The following IGFBP2 variants were observed in gnomAD, a reference collection of about 807,000 sequenced individuals.
IGFBP2 encodes the protein insulin like growth factor binding protein 2.
IGFBP2 carries 12 observed loss-of-function variants against 26.2 expected under a neutral mutation model. That is an observed-to-expected ratio of 0.46 (90% CI 0.29 to 0.74). The LOEUF is 0.74. Among genes scored for constraint, IGFBP2 ranks in the 30% least tolerant of loss-of-function variants. IGFBP2 has a pLI of 0.09. For missense variants in IGFBP2, 328 were observed against 441.2 expected (o/e 0.74, Z 2.30); for synonymous variants, 189 against 200.6 (o/e 0.94, Z 0.49).
intron 1 of IGFBP2, among the ~76,000 whole-genome samples, chr2:216,650,988 C>T (rs1356102633): frequency 6.6e-6 from 1 of 152,126 alleles, no homozygotes; most frequent in African/African-American, 2.4e-5. Flanking sequence ...GGGGTGATGT[C>T]ATTAACTAAG....
chr2:216,661,727 C>T (rs1190038862), intron 2 of IGFBP2, 131 bp from the exon 3 acceptor site: 4 of 1,049,248 alleles, frequency 3.8e-6, no homozygotes, highest in African/African-American at 1.6e-5. Context: ...GTCCCTGTGC[C>T]CCCTGCTGGC....
chr2:216,648,106 T>C (rs1697751776), intron 1 of IGFBP2, among the ~76,000 whole-genome samples: 1 of 152,218 alleles, frequency 6.6e-6, no homozygotes, highest in Admixed American at 6.5e-5. Flanking sequence ...TCTTATGAAA[T>C]TCTTGGATGG....
rs113980437 is a variant in IGFBP2, at chr2:216,653,236, A to G, written c.443-7321A>G. On this transcript the variant is annotated intron_variant, in intron 1 of 3. Coordinates refer to ENST00000233809, the MANE Select transcript of IGFBP2 (RefSeq NM_000597.3). Reference sequence around the variant, plus strand: ...GTCTCTCTTAGATCAGGAATCACCAATTTCCAAATAGAGCACTGAGGTCAG... The same window carrying G: ...GTCTCTCTTAGATCAGGAATCACCAGTTTCCAAATAGAGCACTGAGGTCAG... Among the ~76,000 whole-genome samples, 36 of 152,302 alleles carry G rather than the reference A, an allele frequency of 2.4e-4. 1 individual carries two copies. The highest frequency in any genetic ancestry group is 7.8e-4 in the Admixed American group (12 of 15,302).
At chr2:216,656,083 C>T (rs572766542) in intron 1 of IGFBP2, among the ~76,000 whole-genome samples, 21 of 152,266 alleles carry the variant, frequency 1.4e-4, no homozygotes, top group African/African-American at 4.3e-4. Context: ...CCCTGCCTGG[C>T]GCCTTCAGGC....
intron 1 of IGFBP2, among the ~76,000 whole-genome samples, chr2:216,647,419 C>A (rs928423677): frequency 1.3e-5 from 2 of 152,214 alleles, no homozygotes; most frequent in Admixed American, 6.5e-5. Flanking sequence ...TGGCAATGGA[C>A]TCAGGCTAGA....
At chr2:216,646,651 G>A (rs1697714359) in intron 1 of IGFBP2, among the ~76,000 whole-genome samples, 1 of 152,218 alleles carries the variant, frequency 6.6e-6, no homozygotes, top group African/African-American at 2.4e-5. Context: ...TCACAATCAT[G>A]GTGGGAGGTG....
At chr2:216,661,550 G>T (rs375899375) in intron 2 of IGFBP2, 2 of 449,634 alleles carry the variant, frequency 4.4e-6, no homozygotes, top group Non-Finnish European at 8.3e-6. Flanking sequence ...ATGGAGACTC[G>T]AGACGGCCAC....
At chr2:216,640,950 T>A (rs1304107632) in intron 1 of IGFBP2, among the ~76,000 whole-genome samples, 1 of 152,134 alleles carries the variant, frequency 6.6e-6, no homozygotes, top group Admixed American at 6.5e-5. Flanking sequence ...AGGGTGGGCC[T>A]CTTGAGAGAA....
At chr2:216,642,081 G>GCCCGC (rs1697627228) in intron 1 of IGFBP2, among the ~76,000 whole-genome samples, 1 of 149,182 alleles carries the variant, frequency 6.7e-6, no homozygotes, top group Admixed American at 6.7e-5. Flanking sequence ...CTCACTGCAA[G>GCCCGC]CTCCATCTCC....
chr2:216,642,223 C>T (rs1265662688), intron 1 of IGFBP2, among the ~76,000 whole-genome samples: 1 of 151,636 alleles, frequency 6.6e-6, no homozygotes, highest in African/African-American at 2.4e-5. Flanking sequence ...TGGTCTCGAT[C>T]TCTTGACCTC....
chr2:216,647,174 A>G (rs1697727146), intron 1 of IGFBP2, among the ~76,000 whole-genome samples: 1 of 152,228 alleles, frequency 6.6e-6, no homozygotes, highest in East Asian at 1.9e-4. Flanking sequence ...CATGGTAAAT[A>G]AAGTTATGAA....
chr2:216,664,259 T>A lies in IGFBP2; in HGVS notation c.*155T>A. The A allele has an allele frequency of 1.9e-6, 1 of 530,114 alleles. No individual in the cohort carries two copies. The highest frequency in any genetic ancestry group is 3.1e-6 in the Non-Finnish European group (1 of 317,806). The allele number at this position is 530,114 out of a possible 1,614,324, so 32.8% of individuals were successfully genotyped here. A position where few individuals can be genotyped will look rare whatever the true frequency, so the allele number is the denominator to read the frequency against. ...AGAGACCAGCACCGAGCTCGGCACC[T>A]CCCCGGCCTCTCTCTTCCCAGCTGC... On this transcript the variant is annotated 3_prime_UTR_variant, in exon 4 of 4. Coordinates refer to ENST00000233809, the MANE Select transcript of IGFBP2 (RefSeq NM_000597.3). The surrounding 1 kb of genome is among the most constrained non-coding windows in gnomAD (Gnocchi z 4.6).
Position 216,644,128 on chromosome 2 carries a change from C to T in IGFBP2, c.442+10163C>T, listed in dbSNP as rs548163424. Among the ~76,000 whole-genome samples, 9 of 150,940 alleles carry T rather than the reference C, an allele frequency of 6.0e-5. No individual in the cohort carries two copies. The South Asian group carries it at 1.5e-3, about 25-fold the overall frequency. On this transcript the variant is annotated intron_variant, in intron 1 of 3. Transcript: ENST00000233809. ...ACTTTGCTCAAAAAGCCAGCCCTCC[C>T]GGAAAGAAATACAGAGCAACTGTAG...
rs149660935 is a variant in IGFBP2 at position 216,659,599 on chromosome 2, C to T, written c.443-958C>T. On this transcript the variant is annotated intron_variant, in intron 1 of 3. Coordinates refer to ENST00000233809, the MANE Select transcript of IGFBP2 (RefSeq NM_000597.3). ...ATCCTCTCTGCCTCCTTTGGCTGGA[C>T]GTGCCTCAGCCAGAGTGAGACTGTG... The T allele has an allele frequency of 1.1e-3, 880 of 769,054 alleles. 11 individuals carry two copies. The African/African-American group carries it at 0.013, about 11-fold the overall frequency. The allele number at this position is 769,054 out of a possible 1,614,324, so 47.6% of individuals were successfully genotyped here.
At chr2:216,648,862 C>A (rs1302651438) in intron 1 of IGFBP2, among the ~76,000 whole-genome samples, 1 of 152,130 alleles carries the variant, frequency 6.6e-6, no homozygotes, top group Non-Finnish European at 1.5e-5. Flanking sequence ...CTGTCTTGGC[C>A]TCCCAAAGTG....
At chr2:216,635,429 C>T (rs984630369) in intron 1 of IGFBP2, among the ~76,000 whole-genome samples, 1 of 152,174 alleles carries the variant, frequency 6.6e-6, no homozygotes, top group African/African-American at 2.4e-5. Context: ...TGCGTTCCTC[C>T]TCATCACCCC....
chr2:216,645,643 C>T (rs781275285), intron 1 of IGFBP2, among the ~76,000 whole-genome samples: 1 of 152,210 alleles, frequency 6.6e-6, no homozygotes, highest in Non-Finnish European at 1.5e-5. Flanking sequence ...TCTTGCAATA[C>T]AGGAGAACAG....
upstream of IGFBP2, among the ~76,000 whole-genome samples, chr2:216,633,166 C>T (rs1697411868): frequency 1.3e-5 from 2 of 152,172 alleles, no homozygotes; most frequent in Non-Finnish European, 2.9e-5. Flanking sequence ...CTACCCAAAC[C>T]CGCGAGTTAT....
chr2:216,664,320 G>A lies in IGFBP2; in HGVS notation c.*216G>A. On this transcript the variant is annotated 3_prime_UTR_variant, in exon 4 of 4. Transcript: ENST00000233809. The surrounding 1 kb of genome is among the most constrained non-coding windows in gnomAD (Gnocchi z 4.6). ...CCTGCTCCTTCTTGCTTTCCCCGGG[G>A]GAGGAAGGGGGTTGTGGTCGGGGAG... is the stretch of plus-strand genomic sequence containing the variant. The A allele has an allele frequency of 2.4e-6, 1 of 423,024 alleles. No individual in the cohort carries two copies. Among genetic ancestry groups the A allele is most frequent in the Non-Finnish European group, 4.2e-6 (1 of 239,646 alleles). The allele number at this position is 423,024 out of a possible 1,614,324, so 26.2% of individuals were successfully genotyped here. A position where few individuals can be genotyped will look rare whatever the true frequency, so the allele number is the denominator to read the frequency against.
Sources: allele counts gnomAD v4.1 joint callset (sites outside exome capture counted in the v4.1 genomes callset), GRCh38; gene constraint gnomAD v4.1.1; non-coding constraint Gnocchi (gnomAD v3.1); transcripts MANE v1.5; gene names NCBI Gene and HGNC (gene_info 2026-07-23, HGNC 2026-07-21).